Variants in CRB1 observed in about 807,000 individuals in gnomAD.
CRB1 encodes crumbs cell polarity complex component 1, also known as protein crumbs homolog 1.
In CRB1, 83 loss-of-function variants were observed where a neutral mutation model predicts 120.0. The observed-to-expected ratio is 0.69, with a 90% CI of 0.58 to 0.83. CRB1 has a LOEUF of 0.83. Among genes scored for constraint, CRB1 ranks in the 40% least tolerant of loss-of-function variants. The pLI is 0.00. For synonymous variants in CRB1, 625 were observed against 612.5 expected (o/e 1.02, Z -0.30); for missense variants, 1,699 against 1,687.6 (o/e 1.01, Z -0.12).
chr1:197,444,590 T>C (rs188317597), intron 11 of CRB1: 7 of 152,358 alleles, frequency 4.6e-5, no homozygotes, highest in Admixed American at 3.9e-4. Flanking sequence ...CTCTACCAAA[T>C]GTGGTTAAGA....
At chr1:197,415,616 T>C (rs1663943066) in intron 5 of CRB1, among the ~76,000 whole-genome samples, 1 of 150,060 alleles carries the variant, frequency 6.7e-6, no homozygotes, top group African/African-American at 2.4e-5. Context: ...TTTTTTCTTT[T>C]TTTTTTCTTT....
chr1:197,443,815 T>G (rs1019046948), intron 11 of CRB1: 3 of 152,028 alleles, frequency 2.0e-5, no homozygotes, highest in Admixed American at 2.0e-4. Flanking sequence ...TTAAAAAAAC[T>G]TTCTTAATGT....
chr1:197,203,945 C>T, the CRB1 span, among the ~76,000 whole-genome samples: 2 of 152,016 alleles, frequency 1.3e-5, no homozygotes, highest in African/African-American at 4.8e-5. Flanking sequence ...TCCCTCACCC[C>T]CCTCCCACCC....
At chr1:197,471,875 C>T (rs1033025345) in intron 11 of CRB1, among the ~76,000 whole-genome samples, 3 of 152,138 alleles carry the variant, frequency 2.0e-5, no homozygotes, top group Non-Finnish European at 4.4e-5. Flanking sequence ...ACCAAATTGA[C>T]GATCTACTTG....
At chr1:197,216,309 T>C in the CRB1 span, among the ~76,000 whole-genome samples, 1 of 152,202 alleles carries the variant, frequency 6.6e-6, no homozygotes, top group African/African-American at 2.4e-5. Context: ...CCTACTCACC[T>C]ATGGAACCAA....
At chr1:197,378,994 A>C (rs1023112651) in intron 5 of CRB1, among the ~76,000 whole-genome samples, 3 of 152,226 alleles carry the variant, frequency 2.0e-5, no homozygotes. Context: ...AATTCAGTTC[A>C]ATCATCAAAA....
rs1295716280 is a variant in CRB1, at chr1:197,328,464, C to A, written c.113C>A (p.Ser38Tyr). 1 of 1,614,112 alleles carries A rather than the reference C, an allele frequency of 6.2e-7. No homozygotes were observed. Residue 38 changes from serine (S) to tyrosine (Y), a missense_variant, in exon 2 of 12, where the codon TCT (serine) becomes TAT (tyrosine). Physicochemically the swap from Ser to Tyr is moderately radical, Grantham distance 144 (BLOSUM62 -2). Transcript: ENST00000367400. The stretch of plus-strand genomic sequence containing the variant: ...AACAACACCAGGTGCCTCTCAAATT[C>A]TTGCCAAAACAATTCTACATGCAAA... The part of the protein sequence containing the change: ...NKNNTRCLSN[S>Y]CQNNSTCKDF...
At chr1:197,289,533 G>A (rs1167468743) in intron 1 of CRB1, among the ~76,000 whole-genome samples, 1 of 151,716 alleles carries the variant, frequency 6.6e-6, no homozygotes, top group Non-Finnish European at 1.5e-5. Context: ...CTTCTTGAAT[G>A]TGAAGTTTCA....
chr1:197,327,802 T>C (rs1658604787), intron 1 of CRB1, among the ~76,000 whole-genome samples: 5 of 152,196 alleles, frequency 3.3e-5, no homozygotes, highest in Admixed American at 3.3e-4. Context: ...CTGACTGGGC[T>C]CCAAGGGACC....
chr1:197,245,887 A>G, the CRB1 span, among the ~76,000 whole-genome samples: 8 of 152,058 alleles, frequency 5.3e-5, no homozygotes, highest in South Asian at 2.1e-4. Flanking sequence ...TGATGAGAGA[A>G]AAAGGAATGC....
chr1:197,207,552 C>T, the CRB1 span, among the ~76,000 whole-genome samples: 1 of 152,102 alleles, frequency 6.6e-6, no homozygotes, highest in Non-Finnish European at 1.5e-5. Context: ...GCCCCAATCT[C>T]CTCTAGCTTA....
chr1:197,361,202 T>C (rs565515965), intron 5 of CRB1, among the ~76,000 whole-genome samples: 19 of 148,000 alleles, frequency 1.3e-4, no homozygotes, highest in African/African-American at 3.7e-4. Context: ...TTCTCTCTCT[T>C]TTTTTTTTTG....
chr1:197,251,894 G>A, the CRB1 span, among the ~76,000 whole-genome samples: 1 of 152,002 alleles, frequency 6.6e-6, no homozygotes, highest in South Asian at 2.1e-4. Flanking sequence ...ATATTCTCTT[G>A]TAGTTATATT....
At chr1:197,278,477 T>A (rs1655345293) in intron 1 of CRB1, among the ~76,000 whole-genome samples, 1 of 151,976 alleles carries the variant, frequency 6.6e-6, no homozygotes, top group South Asian at 2.1e-4. Flanking sequence ...GGACACAATC[T>A]GCAGGGGCAT....
At chr1:197,417,399 G>C (rs1664061853) in intron 5 of CRB1, among the ~76,000 whole-genome samples, 1 of 152,220 alleles carries the variant, frequency 6.6e-6, no homozygotes, top group South Asian at 2.1e-4. Flanking sequence ...CTGTGGTCTA[G>C]ATGGGGAACC....
the CRB1 span, among the ~76,000 whole-genome samples, chr1:197,261,495 CAT>C: frequency 6.6e-6 from 1 of 152,178 alleles, no homozygotes; most frequent in Non-Finnish European, 1.5e-5. Context: ...CAGAATAATA[CAT>C]AGAGTATCAT....
chr1:197,227,713 C>T, the CRB1 span, among the ~76,000 whole-genome samples: 2 of 151,954 alleles, frequency 1.3e-5, no homozygotes, highest in African/African-American at 4.8e-5. Flanking sequence ...CTAGTGGAGC[C>T]CCCACACAGC....
At chr1:197,469,753 T>C (rs962582787) in intron 11 of CRB1, among the ~76,000 whole-genome samples, 2 of 152,228 alleles carry the variant, frequency 1.3e-5, no homozygotes, top group Non-Finnish European at 2.9e-5. Flanking sequence ...TAGCAAATGA[T>C]AGCTGGCTCC....
At chr1:197,244,445 G>A in the CRB1 span, among the ~76,000 whole-genome samples, 2 of 151,816 alleles carry the variant, frequency 1.3e-5, no homozygotes, top group African/African-American at 2.4e-5. Flanking sequence ...ATAAGATTTG[G>A]TGTTGACAAT....
Sources: allele counts gnomAD v4.1 joint callset (sites outside exome capture counted in the v4.1 genomes callset), GRCh38; gene constraint gnomAD v4.1.1; transcripts MANE v1.5; gene names NCBI Gene and HGNC (gene_info 2026-07-23, HGNC 2026-07-21).